PRRC2C: variants seen among roughly 807,000 people sequenced by gnomAD.
The protein encoded by PRRC2C is proline rich coiled-coil 2C, also known as protein PRRC2C.
A neutral mutation model predicts 317.2 loss-of-function variants in PRRC2C; 72 were observed. The observed-to-expected ratio is 0.23, with a 90% CI of 0.19 to 0.28. The LOEUF is 0.28. Among genes scored for constraint, PRRC2C ranks in the 10% least tolerant of loss-of-function variants. The pLI is 1.00. For synonymous variants in PRRC2C, 1,296 were observed against 1,205.9 expected (o/e 1.07, Z -1.55); for missense variants, 3,074 against 3,459.7 (o/e 0.89, Z 2.80).
At position 171,566,783 on chromosome 1, in the gene PRRC2C, G is replaced by C. The variant is rs761129624; in HGVS notation, c.6498G>C (p.Met2166Ile). 1.8e-5 allele frequency: 29 copies of C among 1,613,684 alleles called. No individual in the cohort carries two copies. Among genetic ancestry groups the C allele is most frequent in the Non-Finnish European group, 2.4e-5 (28 of 1,179,846 alleles). ...TTKETKAVSE[M>I]STEIGTMISV... The stretch of plus-strand genomic sequence containing the variant: ...AGGAGACTAAAGCAGTCTCAGAAAT[G>C]TCTACTGAAATAGGAACAATGATCT... The change falls in exon 22 of 35, where the codon ATG (methionine) becomes ATC (isoleucine). Residue 2166 changes from methionine (M) to isoleucine (I), a missense_variant. Met to Ile is a conservative substitution (Grantham distance 10). Transcript: ENST00000647382.
At chr1:171,533,057 A>G (rs1676154633) in intron 12 of PRRC2C, 96 bp downstream of exon 12, 1 of 1,194,676 alleles carries the variant, frequency 8.4e-7, no homozygotes, top group Non-Finnish European at 1.1e-6. Flanking sequence ...TATGTAATCA[A>G]TATAAAAGTG....
At chr1:171,554,214 G>A (rs1023769940) in intron 18 of PRRC2C, among the ~76,000 whole-genome samples, 37 of 151,982 alleles carry the variant, frequency 2.4e-4, no homozygotes, top group South Asian at 4.2e-4. Flanking sequence ...TCCCTTTACC[G>A]TTATGTAATG....
intron 33 of PRRC2C, among the ~76,000 whole-genome samples, chr1:171,589,112 C>G (rs954373794): frequency 1.3e-5 from 2 of 152,178 alleles, no homozygotes; most frequent in African/African-American, 4.8e-5. Flanking sequence ...ATCCCCCCTT[C>G]AGAATTTACA....
chr1:171,571,279 A>G, intron 23 of PRRC2C, 41 bp from the exon 24 acceptor site: 1 of 1,201,766 alleles, frequency 8.3e-7, no homozygotes, highest in Non-Finnish European at 1.2e-6. Flanking sequence ...TTCGTAGTAG[A>G]CACATAGTTA....
intron 16 of PRRC2C, among the ~76,000 whole-genome samples, chr1:171,544,727 C>T (rs1029394497): frequency 3.3e-5 from 5 of 152,060 alleles, no homozygotes; most frequent in South Asian, 2.1e-4. Flanking sequence ...ATGGCAGTGA[C>T]GATTATAATT....
intron 28 of PRRC2C, among the ~76,000 whole-genome samples, chr1:171,583,641 T>G (rs544935968): frequency 2.6e-5 from 4 of 152,360 alleles, no homozygotes; most frequent in Admixed American, 6.5e-5. Flanking sequence ...TATTATGTAC[T>G]GTATGTAACT....
rs1025936962 is a variant in PRRC2C, at chr1:171,573,662, G to A, written c.6754-1265G>A. On this transcript the variant is annotated intron_variant, in intron 24 of 34. Transcript: ENST00000647382. ...GAAGGCAGGGTAAAATATGTACTAT[G>A]TCTCAAAATTCTTTTTTTTTTTTTT... Among the ~76,000 whole-genome samples the A allele has an allele frequency of 7.7e-5, 11 of 142,098 alleles. No individual in the cohort carries two copies. The East Asian group carries it at 1.9e-3, about 25-fold the overall frequency. The allele number at this position is 142,098 out of a possible 152,430, so 93.2% of individuals were successfully genotyped here.
In PRRC2C at chr1:171,550,145, T is replaced by G; in HGVS notation, c.5032T>G (p.Leu1678Val). 2 of 1,608,740 alleles carry G rather than the reference T, an allele frequency of 1.2e-6. No homozygotes were observed. Among genetic ancestry groups the G allele is most frequent in the Non-Finnish European group, 8.5e-7 (1 of 1,177,204 alleles). ...VTVIEDPQSN[L>V]NDDGFTEVVS... ...AGTAATTGAAGATCCCCAGTCAAAT[T>G]TGAATGATGATGGTTTTACTGAAGT... The change falls in exon 18 of 35, where the codon TTG (leucine) becomes GTG (valine). Residue 1678 changes from leucine (L) to valine (V), a missense_variant. By Grantham distance (32) the Leu-to-Val change is conservative (BLOSUM62 1). This residue lies in a region of PRRC2C where 640 missense variants were observed against 676.1 expected (regional missense o/e 0.95). Coordinates refer to ENST00000647382, the MANE Select transcript of PRRC2C (RefSeq NM_001387844.1).
intron 1 of PRRC2C, among the ~76,000 whole-genome samples, chr1:171,488,499 A>C (rs1666537552): frequency 6.6e-6 from 1 of 152,186 alleles, no homozygotes. Context: ...AACTTTAGTA[A>C]ATTTTCTATT....
intron 5 of PRRC2C, 128 bp downstream of exon 5, chr1:171,515,987 C>T (rs139883708): frequency 5.3e-4 from 524 of 992,542 alleles, no homozygotes; most frequent in Non-Finnish European, 6.7e-4. Flanking sequence ...ACTATAGTCA[C>T]TTGCTACTCA....
intron 11 of PRRC2C, among the ~76,000 whole-genome samples, chr1:171,528,241 T>C (rs1198880216): frequency 6.6e-6 from 1 of 151,808 alleles, no homozygotes; most frequent in African/African-American, 2.4e-5. Flanking sequence ...CCACTTTCCA[T>C]CCCATTGCAG....
intron 18 of PRRC2C, among the ~76,000 whole-genome samples, chr1:171,555,170 C>A (rs897747360): frequency 6.6e-6 from 1 of 152,128 alleles, no homozygotes; most frequent in Non-Finnish European, 1.5e-5. Context: ...TCTTTTTACT[C>A]TTTTTTCTCT....
rs1650874083 is a variant in PRRC2C, at chr1:171,589,499, T to A, written c.8330T>A (p.Met2777Lys). 1 of 1,289,734 alleles carries A rather than the reference T, an allele frequency of 7.8e-7. No individual in the cohort carries two copies. The highest frequency in any genetic ancestry group is 1.0e-6 in the Non-Finnish European group (1 of 988,874). 79.9% of individuals were successfully genotyped at this position (1,289,734 alleles called of 1,614,324 possible). Residue 2777 changes from methionine (M) to lysine (K), a missense_variant, in exon 34 of 35, where the codon ATG becomes AAG. Physicochemically the swap from Met to Lys is moderately conservative, Grantham distance 95. Coordinates refer to ENST00000647382, the MANE Select transcript of PRRC2C (RefSeq NM_001387844.1). Reference sequence around the variant, plus strand: ...CCTCCTCCGCTGACCACAGGCCTCATGAGCCATGCTCGTTTGCCACATGTA... The same window carrying A: ...CCTCCTCCGCTGACCACAGGCCTCAAGAGCCATGCTCGTTTGCCACATGTA... ...QMPPPLTTGL[M>K]SHARLPHVAR...
Position 171,557,955 on chromosome 1 carries a change from C to G in PRRC2C, c.5843C>G (p.Thr1948Ser). The G allele has an allele frequency of 6.2e-7, 1 of 1,609,062 alleles. No homozygotes were observed. The highest frequency in any genetic ancestry group is 8.5e-7 in the Non-Finnish European group (1 of 1,177,862). Residue 1948 changes from threonine to serine, a missense_variant, in exon 19 of 35, where the codon ACT becomes AGT. By Grantham distance (58) the Thr-to-Ser change is moderately conservative. Transcript: ENST00000647382. ...THKPVQNPLQ[T>S]TSQSSKQPPP... is the part of the protein sequence containing the mutation. The stretch of plus-strand genomic sequence containing the variant: ...AAACCAGTCCAGAATCCACTACAGA[C>G]TACATCTCAGTCTTCAAAACAACCA...
chr1:171,515,821 A>T lies in PRRC2C; in HGVS notation c.488A>T (p.Asp163Val), dbSNP rs376424403. The T allele has an allele frequency of 1.2e-6, 2 of 1,612,274 alleles. No individual in the cohort carries two copies. Among genetic ancestry groups the T allele is most frequent in the Non-Finnish European group, 1.7e-6 (2 of 1,178,974 alleles). Reference protein sequence around the residue: ...DQEKKEKETNDDNYGPGPSLR... With the variant: ...DQEKKEKETNVDNYGPGPSLR... ...GAAAAAAAAGAAAAGGAAACAAATGATGACAACTATGGACCTGGACCCAGT... is the reference window on the plus strand; with the variant it reads ...GAAAAAAAAGAAAAGGAAACAAATGTTGACAACTATGGACCTGGACCCAGT... The change falls in exon 5 of 35, where the codon GAT (aspartate) becomes GTT (valine). Residue 163 changes from aspartate (D) to valine (V), a missense_variant. Physicochemically the swap from Asp to Val is radical, Grantham distance 152. Around this residue, in one of 11 missense-constraint regions of PRRC2C, gnomAD observed 237 missense variants for 199.5 expected, o/e 1.19. Coordinates refer to ENST00000647382, the MANE Select transcript of PRRC2C (RefSeq NM_001387844.1).
At chr1:171,493,925 TAC>T (rs1158585605) in intron 1 of PRRC2C, among the ~76,000 whole-genome samples, 2 of 152,252 alleles carry the variant, frequency 1.3e-5, no homozygotes, top group Non-Finnish European at 2.9e-5. Flanking sequence ...AAGAGCTTTA[TAC>T]ACACTTTGTT....
chr1:171,515,746 A>G lies in PRRC2C; in HGVS notation c.413A>G (p.Asn138Ser). The G allele has an allele frequency of 6.2e-7, 1 of 1,603,374 alleles. No homozygotes were observed. Among genetic ancestry groups the G allele is most frequent in the Non-Finnish European group, 8.5e-7 (1 of 1,175,646 alleles). ...AAAAAATCTATAGGAATCCAAGTGA[A>G]TAGTCAGTTTCAGCAAGAATTTCCC... ...QGGQGDGIQV[N>S]SQFQQEFPSL... The change falls in exon 5 of 35, where the codon AAT becomes AGT. Residue 138 changes from asparagine (N) to serine (S), a missense_variant. Asn to Ser is a conservative substitution (Grantham distance 46). Around this residue, in one of 11 missense-constraint regions of PRRC2C, gnomAD observed 237 missense variants for 199.5 expected, o/e 1.19. Coordinates refer to ENST00000647382, the MANE Select transcript of PRRC2C (RefSeq NM_001387844.1).
In PRRC2C at chr1:171,542,115, C is replaced by T. The variant is rs749410069; in HGVS notation, c.4649C>T (p.Pro1550Leu). ...AAGAGAAGTTTTTCTAGTCAGAGAC[C>T]AGTAGATCGTCAGAATCGACGTGGC... ...IAKRSFSSQR[P>L]VDRQNRRGNN... is the part of the protein sequence containing the mutation. The change falls in exon 16 of 35, where the codon CCA becomes CTA. Residue 1550 changes from proline (P) to leucine (L), a missense_variant. By Grantham distance (98) the Pro-to-Leu change is moderately conservative (BLOSUM62 -3). Around this residue, in one of 11 missense-constraint regions of PRRC2C, gnomAD observed 178 missense variants for 163.0 expected, o/e 1.09. Transcript: ENST00000647382. 7 of 1,613,674 alleles carry T rather than the reference C, an allele frequency of 4.3e-6. No homozygotes were observed. The South Asian group carries it at 7.7e-5, about 18-fold the overall frequency.
intron 11 of PRRC2C, among the ~76,000 whole-genome samples, chr1:171,531,106 G>A (rs1036943824): frequency 1.3e-5 from 2 of 152,092 alleles, no homozygotes; most frequent in Non-Finnish European, 2.9e-5. Flanking sequence ...AGCAAAAGAA[G>A]CTAGCACAAA....
Sources: allele counts gnomAD v4.1 joint callset (sites outside exome capture counted in the v4.1 genomes callset), GRCh38; gene constraint gnomAD v4.1.1; regional missense constraint gnomAD v4.1.1; transcripts MANE v1.5; gene names NCBI Gene and HGNC (gene_info 2026-07-23, HGNC 2026-07-21).